The following FJX1 variants were observed in gnomAD, a reference collection of about 807,000 sequenced individuals.
The protein encoded by FJX1 is four-jointed box kinase 1.
In FJX1, 21 loss-of-function variants were observed where a neutral mutation model predicts 28.7. The observed-to-expected ratio is 0.73, with a 90% CI of 0.52 to 1.05. The LOEUF (loss-of-function observed/expected upper bound fraction) is 1.05, where lower values mean the gene tolerates loss of function less well. Among genes scored for constraint, FJX1 ranks in the 50% least tolerant of loss-of-function variants. The probability of loss-of-function intolerance (pLI) is 0.00; values close to 1 mark genes in which losing one functional copy is unlikely to be tolerated. For synonymous variants in FJX1, 363 were observed against 310.0 expected (o/e 1.17, Z -1.80); for missense variants, 683 against 647.2 (o/e 1.06, Z -0.60).
Position 35,619,110 on chromosome 11 carries a change from CG to C in FJX1, c.479del (p.Gly160ValfsTer81). 2.0e-6 allele frequency: 3 copies of C among 1,527,668 alleles called. No individual in the cohort carries two copies. Among genetic ancestry groups the C allele is most frequent in the East Asian group, 2.6e-5 (1 of 37,962 alleles). The allele number at this position is 1,527,668 out of a possible 1,614,324, so 94.6% of individuals were successfully genotyped here. ...GCGCCCGGATGGTGGCCCTGGAGCGCGGGGGTTGCGGGCGCAGCTCCAACCG... is the reference window on the plus strand; with the variant it reads ...GCGCCCGGATGGTGGCCCTGGAGCGCGGGGTTGCGGGCGCAGCTCCAACCG... ...RGARMVALER[G>X]GCGRSSNRLA... is the part of the protein sequence containing the mutation. On this transcript the variant is annotated frameshift_variant, in exon 1 of 1. Coordinates refer to ENST00000317811, the MANE Select transcript of FJX1 (RefSeq NM_014344.4). LOFTEE classifies it high-confidence loss of function. The surrounding 1 kb of genome is among the most constrained non-coding windows in gnomAD (Gnocchi z 7.6).
Position 35,618,506 on chromosome 11 carries a change from C to A in FJX1, c.-131C>A. 1 of 895,664 alleles carries A rather than the reference C, an allele frequency of 1.1e-6. No homozygotes were observed. Among genetic ancestry groups the A allele is most frequent in the Non-Finnish European group, 1.4e-6 (1 of 731,610 alleles). 55.5% of individuals were successfully genotyped at this position (895,664 alleles called of 1,614,324 possible). A position where few individuals can be genotyped will look rare whatever the true frequency, so the allele number is the denominator to read the frequency against. On this transcript the variant is annotated 5_prime_UTR_variant, in exon 1 of 1. Transcript: ENST00000317811. The surrounding 1 kb of genome is among the most constrained non-coding windows in gnomAD (Gnocchi z 4.2). ...CGCCGGACAGAGCCCCGCAGCGCCC[C>A]GCGGCCGCGATGGGGCCGAAGCGCC...
In FJX1 at chr11:35,618,656, G is replaced by A; in HGVS notation, c.20G>A (p.Gly7Asp). 8.2e-7 allele frequency: 1 copy of A among 1,213,434 alleles called. No individual in the cohort carries two copies. Among genetic ancestry groups the A allele is most frequent in the Non-Finnish European group, 1.0e-6 (1 of 973,788 alleles). 75.2% of individuals were successfully genotyped at this position (1,213,434 alleles called of 1,614,324 possible). A position where few individuals can be genotyped will look rare whatever the true frequency, so the allele number is the denominator to read the frequency against. The change falls in exon 1 of 1, where the codon GGC becomes GAC. Residue 7 changes from glycine to aspartate, a missense_variant. By Grantham distance (94) the Gly-to-Asp change is moderately conservative. Coordinates refer to ENST00000317811, the MANE Select transcript of FJX1 (RefSeq NM_014344.4). The surrounding 1 kb of genome is among the most constrained non-coding windows in gnomAD (Gnocchi z 4.2). ...GGGAGCATGGGCAGGAGGATGCGGG[G>A]CGCCGCCGCCACCGCGGGGCTCTGG... Reference protein sequence around the residue: MGRRMRGAAATAGLWLL... With the variant: MGRRMRDAAATAGLWLL...
Position 35,618,473 on chromosome 11 carries a change from G to T in FJX1, c.-164G>T. 2 of 596,788 alleles carry T rather than the reference G, an allele frequency of 3.4e-6. No individual in the cohort carries two copies. Among genetic ancestry groups the T allele is most frequent in the Non-Finnish European group, 4.3e-6 (2 of 460,676 alleles). The allele number at this position is 596,788 out of a possible 1,614,324, so 37.0% of individuals were successfully genotyped here. ...GGCGGGGACTCGAGTTCCCAGCGCC[G>T]GGCGGAGCGCCGGACAGAGCCCCGC... On this transcript the variant is annotated 5_prime_UTR_variant, in exon 1 of 1. Transcript: ENST00000317811. The surrounding 1 kb of genome is among the most constrained non-coding windows in gnomAD (Gnocchi z 4.2).
chr11:35,619,237 C>T lies in FJX1; in HGVS notation c.601C>T (p.Leu201=), dbSNP rs867504194. ...CCTGTCTTACTATCTGGCGCGCCTG[C>T]TGGGCCTCCAGCGCCACGTGCCGCC... The part of the protein sequence containing the change: ...EALSYYLARL[L]GLQRHVPPLA... Residue 201 remains leucine, a synonymous_variant, in exon 1 of 1, where the codon CTG becomes TTG. Transcript: ENST00000317811. The surrounding 1 kb of genome is among the most constrained non-coding windows in gnomAD (Gnocchi z 7.6). 3 of 1,581,318 alleles carry T rather than the reference C, an allele frequency of 1.9e-6. No homozygotes were observed. The East Asian group carries it at 7.0e-5, about 37-fold the overall frequency.
At position 35,619,805 on chromosome 11, in the gene FJX1, G is replaced by A; in HGVS notation, c.1169G>A (p.Arg390His). The change falls in exon 1 of 1, where the codon CGC becomes CAC. Residue 390 changes from arginine (R) to histidine (H), a missense_variant. Arg to His is a conservative substitution (Grantham distance 29). Coordinates refer to ENST00000317811, the MANE Select transcript of FJX1 (RefSeq NM_014344.4). This position sits in a 1 kb window ranked among gnomAD's most constrained non-coding sequence, Gnocchi z 7.6. ...RGQDAAARLL[R>H]LYRRHEPRFP... ...CAGGACGCCGCGGCCCGGCTGCTGC[G>A]CCTCTACCGGCGCCACGAGCCTCGC... The A allele has an allele frequency of 1.9e-6, 3 of 1,550,110 alleles. No homozygotes were observed. The highest frequency in any genetic ancestry group is 2.6e-6 in the Non-Finnish European group (3 of 1,147,404).
rs1460228204 is a variant in FJX1, at chr11:35,620,333, C to G, written c.*383C>G. On this transcript the variant is annotated 3_prime_UTR_variant, in exon 1 of 1. Transcript: ENST00000317811. ...TCCCTTTCCGAAAAAGGAAAACTTGCGTTTGAGCCGTTGAGCTAATTCTGC... is the reference window on the plus strand; with the variant it reads ...TCCCTTTCCGAAAAAGGAAAACTTGGGTTTGAGCCGTTGAGCTAATTCTGC... 6.6e-5 allele frequency: 21 copies of G among 318,222 alleles called. No individual in the cohort carries two copies. The highest frequency in any genetic ancestry group is 1.2e-4 in the Non-Finnish European group (20 of 162,604). 19.7% of individuals were successfully genotyped at this position (318,222 alleles called of 1,614,324 possible). A position where few individuals can be genotyped will look rare whatever the true frequency, so the allele number is the denominator to read the frequency against.
rs1412867486 is a variant in FJX1 at position 35,618,559 on chromosome 11, G to A, written c.-78G>A. 2 of 1,077,846 alleles carry A rather than the reference G, an allele frequency of 1.9e-6. No homozygotes were observed. The highest frequency in any genetic ancestry group is 1.7e-5 in the African/African-American group (1 of 59,232). The allele number at this position is 1,077,846 out of a possible 1,614,324, so 66.8% of individuals were successfully genotyped here. A position where few individuals can be genotyped will look rare whatever the true frequency, so the allele number is the denominator to read the frequency against. The stretch of plus-strand genomic sequence containing the variant: ...AAGCCCCGGAGCCCACAAACTGCCG[G>A]GCCCGCCTCGCCGCCGGGACCCGGG... On this transcript the variant is annotated 5_prime_UTR_variant, in exon 1 of 1. Coordinates refer to ENST00000317811, the MANE Select transcript of FJX1 (RefSeq NM_014344.4). The surrounding 1 kb of genome is among the most constrained non-coding windows in gnomAD (Gnocchi z 4.2).
At position 35,618,620 on chromosome 11, in the gene FJX1, G is replaced by C; in HGVS notation, c.-17G>C. On this transcript the variant is annotated 5_prime_UTR_variant, in exon 1 of 1. Coordinates refer to ENST00000317811, the MANE Select transcript of FJX1 (RefSeq NM_014344.4). This position sits in a 1 kb window ranked among gnomAD's most constrained non-coding sequence, Gnocchi z 4.2. ...CGGCTTGAAGCGGCGGCGGCGCACC[G>C]GCACAGCCGCGGGAGCATGGGCAGG... 1 of 1,139,800 alleles carries C rather than the reference G, an allele frequency of 8.8e-7. No individual in the cohort carries two copies. Among genetic ancestry groups the C allele is most frequent in the Non-Finnish European group, 1.1e-6 (1 of 931,668 alleles). 70.6% of individuals were successfully genotyped at this position (1,139,800 alleles called of 1,614,324 possible). A position where few individuals can be genotyped will look rare whatever the true frequency, so the allele number is the denominator to read the frequency against.
rs1850883467 is a variant in FJX1, at chr11:35,620,190, A to G, written c.*240A>G. On this transcript the variant is annotated 3_prime_UTR_variant, in exon 1 of 1. Coordinates refer to ENST00000317811, the MANE Select transcript of FJX1 (RefSeq NM_014344.4). The stretch of plus-strand genomic sequence containing the variant: ...TAACATTCTCTCCACCCAGCTTATA[A>G]AAGGATTCTTTACTGTGCCAGCACG... 4.7e-6 allele frequency: 3 copies of G among 634,082 alleles called. No individual in the cohort carries two copies. The Middle Eastern group carries it at 1.3e-3, about 278-fold the overall frequency. The allele number at this position is 634,082 out of a possible 1,614,324, so 39.3% of individuals were successfully genotyped here. A position where few individuals can be genotyped will look rare whatever the true frequency, so the allele number is the denominator to read the frequency against.
Position 35,618,921 on chromosome 11 carries a change from G to A in FJX1, c.285G>A (p.Arg95=). Residue 95 remains arginine, a synonymous_variant, in exon 1 of 1, where the codon CGG becomes CGA. Transcript: ENST00000317811. This position sits in a 1 kb window ranked among gnomAD's most constrained non-coding sequence, Gnocchi z 4.2. ...CGGCCGGCGCGGACGGCCCGCCCCG[G>A]CAGTCCCGGAGCGAGCCCAGGTGGC... ...TLAAGADGPP[R]QSRSEPRWHV... is the part of the protein sequence containing the mutation. 2 of 1,424,632 alleles carry A rather than the reference G, an allele frequency of 1.4e-6. No individual in the cohort carries two copies. Among genetic ancestry groups the A allele is most frequent in the Non-Finnish European group, 9.1e-7 (1 of 1,094,264 alleles). 88.2% of individuals were successfully genotyped at this position (1,424,632 alleles called of 1,614,324 possible).
chr11:35,619,645 C>T lies in FJX1; in HGVS notation c.1009C>T (p.Leu337=), dbSNP rs200130401. Reference sequence around the variant, plus strand: ...CGGTCCGGGCGGGGCGCTGGTCTTTCTGGACAATGAGGCGGGCTTGGTGCA... The same window carrying T: ...CGGTCCGGGCGGGGCGCTGGTCTTTTTGGACAATGAGGCGGGCTTGGTGCA... The part of the protein sequence containing the change: ...HRGPGGALVF[L]DNEAGLVHGY... The change falls in exon 1 of 1, where the codon CTG becomes TTG. Residue 337 remains leucine (L), a synonymous_variant. Transcript: ENST00000317811. The surrounding 1 kb of genome is among the most constrained non-coding windows in gnomAD (Gnocchi z 7.6). 7.3e-5 allele frequency: 118 copies of T among 1,611,434 alleles called. 1 individual carries two copies. The African/African-American group carries it at 1.5e-3, about 20-fold the overall frequency.
At position 35,619,303 on chromosome 11, in the gene FJX1, G is replaced by T; in HGVS notation, c.667G>T (p.Ala223Ser). ...GGTGGAGGCTCGGGGCGCGCAGTGG[G>T]CGCAGGTGCAGGAGGAGCTGCGCGC... Reference protein sequence around the residue: ...ARVEARGAQWAQVQEELRAAH... With the variant: ...ARVEARGAQWSQVQEELRAAH... Residue 223 changes from alanine (A) to serine (S), a missense_variant, in exon 1 of 1, where the codon GCG (alanine) becomes TCG (serine). Ala to Ser is a moderately conservative substitution (Grantham distance 99). Transcript: ENST00000317811. This position sits in a 1 kb window ranked among gnomAD's most constrained non-coding sequence, Gnocchi z 7.6. 1 of 1,556,788 alleles carries T rather than the reference G, an allele frequency of 6.4e-7. No individual in the cohort carries two copies. Among genetic ancestry groups the T allele is most frequent in the Non-Finnish European group, 8.6e-7 (1 of 1,159,912 alleles).
At position 35,619,049 on chromosome 11, in the gene FJX1, A is replaced by G; in HGVS notation, c.413A>G (p.Glu138Gly). 1 of 1,465,464 alleles carries G rather than the reference A, an allele frequency of 6.8e-7. No homozygotes were observed. Among genetic ancestry groups the G allele is most frequent in the Non-Finnish European group, 8.9e-7 (1 of 1,121,218 alleles). 90.8% of individuals were successfully genotyped at this position (1,465,464 alleles called of 1,614,324 possible). Reference sequence around the variant, plus strand: ...GAGCAGGTGCCCCCGGGCTTTTCGGAGGCCCAGGCGGCGGCGTGGCTGGAG... The same window carrying G: ...GAGCAGGTGCCCCCGGGCTTTTCGGGGGCCCAGGCGGCGGCGTGGCTGGAG... ...LEEQVPPGFS[E>G]AQAAAWLEAA... is the part of the protein sequence containing the mutation. The change falls in exon 1 of 1, where the codon GAG becomes GGG. Residue 138 changes from glutamate to glycine, a missense_variant. Transcript: ENST00000317811. The surrounding 1 kb of genome is among the most constrained non-coding windows in gnomAD (Gnocchi z 7.6).
In FJX1 at chr11:35,619,389, C is replaced by G. The variant is rs752646867; in HGVS notation, c.753C>G (p.Asp251Glu). Residue 251 changes from aspartate to glutamate, a missense_variant, in exon 1 of 1, where the codon GAC becomes GAG. Coordinates refer to ENST00000317811, the MANE Select transcript of FJX1 (RefSeq NM_014344.4). This position sits in a 1 kb window ranked among gnomAD's most constrained non-coding sequence, Gnocchi z 7.6. ...SLTRWLPNLT[D>E]VVVPAPWRSE... ...CACGCTGGCTGCCCAACCTCACGGA[C>G]GTGGTGGTGCCCGCGCCCTGGCGCT... 1.3e-6 allele frequency: 2 copies of G among 1,594,504 alleles called. No individual in the cohort carries two copies. Among genetic ancestry groups the G allele is most frequent in the East Asian group, 2.2e-5 (1 of 44,690 alleles).
chr11:35,618,503 C>T lies in FJX1; in HGVS notation c.-134C>T, dbSNP rs1207508906. On this transcript the variant is annotated 5_prime_UTR_variant, in exon 1 of 1. Coordinates refer to ENST00000317811, the MANE Select transcript of FJX1 (RefSeq NM_014344.4). The surrounding 1 kb of genome is among the most constrained non-coding windows in gnomAD (Gnocchi z 4.2). ...GAGCGCCGGACAGAGCCCCGCAGCG[C>T]CCCGCGGCCGCGATGGGGCCGAAGC... 1 of 863,290 alleles carries T rather than the reference C, an allele frequency of 1.2e-6. No individual in the cohort carries two copies. The highest frequency in any genetic ancestry group is 8.2e-5 in the East Asian group (1 of 12,122). 53.5% of individuals were successfully genotyped at this position (863,290 alleles called of 1,614,324 possible).
Position 35,619,561 on chromosome 11 carries a change from C to A in FJX1, c.925C>A (p.Leu309Ile), listed in dbSNP as rs1565388904. ...TANFDRLVSNLFSLQWDPRVM... is the reference protein window; with the variant it reads ...TANFDRLVSNIFSLQWDPRVM... ...CAACTTCGACCGGCTCGTAAGCAAC[C>A]TCTTCAGCCTGCAGTGGGACCCGCG... Residue 309 changes from leucine (L) to isoleucine (I), a missense_variant, in exon 1 of 1, where the codon CTC (leucine) becomes ATC (isoleucine). Physicochemically the swap from Leu to Ile is conservative, Grantham distance 5. Coordinates refer to ENST00000317811, the MANE Select transcript of FJX1 (RefSeq NM_014344.4). The surrounding 1 kb of genome is among the most constrained non-coding windows in gnomAD (Gnocchi z 7.6). 6 of 1,603,192 alleles carry A rather than the reference C, an allele frequency of 3.7e-6. No homozygotes were observed. The highest frequency in any genetic ancestry group is 4.2e-6 in the Non-Finnish European group (5 of 1,179,764).
rs1422751985 is a variant in FJX1, at chr11:35,619,444, G to A, written c.808G>A (p.Asp270Asn). 1.3e-6 allele frequency: 2 copies of A among 1,598,720 alleles called. No homozygotes were observed. The highest frequency in any genetic ancestry group is 1.7e-6 in the Non-Finnish European group (2 of 1,179,562). Residue 270 changes from aspartate to asparagine, a missense_variant, in exon 1 of 1, where the codon GAT becomes AAT. Asp to Asn is a conservative substitution (Grantham distance 23). Transcript: ENST00000317811. The surrounding 1 kb of genome is among the most constrained non-coding windows in gnomAD (Gnocchi z 7.6). ...GGACGGCCGTCTGCGCCCCCTCCGG[G>A]ATGCCGGGGGTGAGCTGGCCAACCT... is the stretch of plus-strand genomic sequence containing the variant. ...SEDGRLRPLR[D>N]AGGELANLSQ...
rs754874092 is a variant in FJX1 at position 35,619,375 on chromosome 11, C to A, written c.739C>A (p.Pro247Thr). 1 of 1,591,588 alleles carries A rather than the reference C, an allele frequency of 6.3e-7. No individual in the cohort carries two copies. Among genetic ancestry groups the A allele is most frequent in the Admixed American group, 1.7e-5 (1 of 59,126 alleles). The change falls in exon 1 of 1, where the codon CCC becomes ACC. Residue 247 changes from proline (P) to threonine (T), a missense_variant. Coordinates refer to ENST00000317811, the MANE Select transcript of FJX1 (RefSeq NM_014344.4). The surrounding 1 kb of genome is among the most constrained non-coding windows in gnomAD (Gnocchi z 7.6). The part of the protein sequence containing the change: ...GSVVSLTRWL[P>T]NLTDVVVPAP... Reference sequence around the variant, plus strand: ...CGTGGTGAGCCTGACACGCTGGCTGCCCAACCTCACGGACGTGGTGGTGCC... The same window carrying A: ...CGTGGTGAGCCTGACACGCTGGCTGACCAACCTCACGGACGTGGTGGTGCC...
In FJX1 at chr11:35,619,561, C is replaced by G; in HGVS notation, c.925C>G (p.Leu309Val). The change falls in exon 1 of 1, where the codon CTC becomes GTC. Residue 309 changes from leucine to valine, a missense_variant. Transcript: ENST00000317811. This position sits in a 1 kb window ranked among gnomAD's most constrained non-coding sequence, Gnocchi z 7.6. ...CAACTTCGACCGGCTCGTAAGCAAC[C>G]TCTTCAGCCTGCAGTGGGACCCGCG... ...TANFDRLVSN[L>V]FSLQWDPRVM... 2 of 1,603,192 alleles carry G rather than the reference C, an allele frequency of 1.2e-6. No homozygotes were observed. The highest frequency in any genetic ancestry group is 1.7e-6 in the Non-Finnish European group (2 of 1,179,764).
Sources: allele counts gnomAD v4.1 joint callset, GRCh38; gene constraint gnomAD v4.1.1; non-coding constraint Gnocchi (gnomAD v3.1); transcripts MANE v1.5; gene names NCBI Gene and HGNC (gene_info 2026-07-23, HGNC 2026-07-21).